Variants in CNTN6 observed in about 807,000 individuals in gnomAD.
CNTN6 encodes the protein contactin 6.
CNTN6 carries 137 observed loss-of-function variants against 122.8 expected under a neutral mutation model. The observed-to-expected ratio is 1.12, with a 90% confidence interval of 0.97 to 1.29. The LOEUF (loss-of-function observed/expected upper bound fraction) is 1.29. Ranked by LOEUF, CNTN6 falls within the 50% of genes most tolerant of loss-of-function variation. The pLI is 0.00. For synonymous variants in CNTN6, 570 were observed against 426.0 expected (o/e 1.34, Z -4.16); for missense variants, 1,634 against 1,223.4 (o/e 1.34, Z -5.01).
At chr3:1,142,968 GTATATATATATA>G (rs3043051) in intron 1 of CNTN6, among the ~76,000 whole-genome samples, 20,887 of 128,678 alleles carry the variant, frequency 0.16, 1,635 homozygotes, top group Middle Eastern at 0.2. Context: ...GTGTGTGTGT[GTATATATATATA>G]TATATATATA....
At chr3:1,198,828 C>T (rs375368806) in intron 2 of CNTN6, among the ~76,000 whole-genome samples, 1 of 152,038 alleles carries the variant, frequency 6.6e-6, no homozygotes, top group Admixed American at 6.6e-5. Flanking sequence ...ACTAAGAGTG[C>T]GATCTTATTT....
intron 4 of CNTN6, among the ~76,000 whole-genome samples, chr3:1,264,589 C>G (rs368261396): frequency 1.1e-3 from 146 of 133,830 alleles, no homozygotes; most frequent in African/African-American, 3.5e-3. Context: ...TTTTAATTAA[C>G]TAATAATAAT....
chr3:1,329,752 A>G, intron 10 of CNTN6, 33 bp from the exon 11 acceptor site: 1 of 1,589,916 alleles, frequency 6.3e-7, no homozygotes, highest in Non-Finnish European at 8.6e-7. Context: ...TAACTGAGTA[A>G]TTAAACAATT....
At chr3:1,387,854 C>G (rs1259361607) in intron 20 of CNTN6, among the ~76,000 whole-genome samples, 2 of 152,150 alleles carry the variant, frequency 1.3e-5, no homozygotes, top group African/African-American at 2.4e-5. Context: ...CTTTTCGGAC[C>G]AGCTTAAAAA....
chr3:1,346,248 T>C (rs1401365952), intron 11 of CNTN6, among the ~76,000 whole-genome samples: 2 of 152,152 alleles, frequency 1.3e-5, no homozygotes, highest in Admixed American at 6.5e-5. Context: ...TATGAACAGG[T>C]ATTAGTTCAT....
intron 21 of CNTN6, 78 bp downstream of exon 21, chr3:1,401,623 A>C (rs1213034078): frequency 1.1e-6 from 1 of 886,420 alleles, no homozygotes; most frequent in East Asian, 2.7e-5. Context: ...AATGGAAAAC[A>C]AATTGGATGC....
chr3:1,369,894 A>G (rs1187602024), intron 12 of CNTN6, among the ~76,000 whole-genome samples: 1 of 150,746 alleles, frequency 6.6e-6, no homozygotes, highest in Non-Finnish European at 1.5e-5. Flanking sequence ...TATGTTTTTA[A>G]GTTTTTTAGG....
At chr3:1,344,682 T>A (rs191163116) in intron 11 of CNTN6, among the ~76,000 whole-genome samples, 116 of 152,330 alleles carry the variant, frequency 7.6e-4, no homozygotes, top group Non-Finnish European at 1.9e-4. Context: ...GTTTCCTCTT[T>A]GGGACTCACA....
intron 7 of CNTN6, among the ~76,000 whole-genome samples, chr3:1,321,069 T>A (rs1343125505): frequency 6.6e-6 from 1 of 151,624 alleles, no homozygotes; most frequent in Non-Finnish European, 1.5e-5. Context: ...CCAGTTCATA[T>A]GGGTCTGTTT....
At chr3:1,228,792 T>G (rs1352655147) in intron 4 of CNTN6, among the ~76,000 whole-genome samples, 2 of 152,204 alleles carry the variant, frequency 1.3e-5, no homozygotes, top group African/African-American at 4.8e-5. Context: ...GTCTGTTACT[T>G]TGAAAAAGTA....
In CNTN6 at chr3:1,295,638, A is replaced by G. The variant is rs749871813; in HGVS notation, c.492A>G (p.Leu164=). The G allele has an allele frequency of 6.2e-7, 1 of 1,613,862 alleles. No homozygotes were observed. The highest frequency in any genetic ancestry group is 8.5e-7 in the Non-Finnish European group (1 of 1,179,864). Residue 164 remains leucine (L), a synonymous_variant, in exon 6 of 23, where the codon TTA becomes TTG. Transcript: ENST00000446702. Reference sequence around the variant, plus strand: ...CATGGACCTTCAATGATAACCCCTTATACGTCCAAGAGGACAATAGGCGAT... The same window carrying G: ...CATGGACCTTCAATGATAACCCCTTGTACGTCCAAGAGGACAATAGGCGAT... ...SYAWTFNDNP[L]YVQEDNRRFV...
chr3:1,355,389 C>T (rs949300382), intron 12 of CNTN6, among the ~76,000 whole-genome samples: 1 of 151,534 alleles, frequency 6.6e-6, no homozygotes, highest in African/African-American at 2.4e-5. Context: ...TTACCATGTC[C>T]TCTTAACTAG....
chr3:1,251,402 C>G (rs2094666461), intron 4 of CNTN6, among the ~76,000 whole-genome samples: 1 of 152,144 alleles, frequency 6.6e-6, no homozygotes, highest in East Asian at 1.9e-4. Context: ...TCCTGTCCTT[C>G]TCCTGCTTCG....
At chr3:1,376,715 G>A (rs1207345474) in intron 16 of CNTN6, among the ~76,000 whole-genome samples, 1 of 151,974 alleles carries the variant, frequency 6.6e-6, no homozygotes, top group Non-Finnish European at 1.5e-5. Flanking sequence ...CCATCTGAAT[G>A]GAACATCATT....
chr3:1,359,336 C>T (rs961855209), intron 12 of CNTN6, among the ~76,000 whole-genome samples: 1 of 152,038 alleles, frequency 6.6e-6, no homozygotes, highest in African/African-American at 2.4e-5. Flanking sequence ...TCTGTGTTTA[C>T]ATTTTACAAT....
intron 19 of CNTN6, among the ~76,000 whole-genome samples, chr3:1,384,711 TACATACTATATATACAC>T (rs1399735905): frequency 5.1e-5 from 7 of 137,974 alleles, no homozygotes; most frequent in Admixed American, 1.5e-4. Flanking sequence ...CGTATACATA[TACATACTATATATACAC>T]ACATATATAT....
chr3:1,247,366 G>T (rs938873038), intron 4 of CNTN6, among the ~76,000 whole-genome samples: 1 of 151,666 alleles, frequency 6.6e-6, no homozygotes, highest in Non-Finnish European at 1.5e-5. Flanking sequence ...TTCCTTTGTT[G>T]TATTTGTAAA....
At chr3:1,232,582 G>A (rs1473145473) in intron 4 of CNTN6, among the ~76,000 whole-genome samples, 1 of 152,202 alleles carries the variant, frequency 6.6e-6, no homozygotes, top group African/African-American at 2.4e-5. Flanking sequence ...AGAGTATCAT[G>A]ATCTTCACTT....
At chr3:1,312,910 T>C (rs148658646) in intron 7 of CNTN6, among the ~76,000 whole-genome samples, 99 of 151,874 alleles carry the variant, frequency 6.5e-4, no homozygotes, top group African/African-American at 2.4e-3. Flanking sequence ...ACAACTGTAA[T>C]CGTATGTTTG....
Sources: gnomAD v4.1 joint callset for allele counts (sites outside exome capture counted in the v4.1 genomes callset) on GRCh38, gnomAD v4.1.1 for gene constraint, MANE v1.5 for transcripts, NCBI Gene and HGNC (gene_info 2026-07-23, HGNC 2026-07-21) for gene names.